FMO4: variants seen among roughly 807,000 people sequenced by gnomAD.
FMO4 encodes the protein dimethylaniline monooxygenase [N-oxide-forming] 4.
A neutral mutation model predicts 43.3 loss-of-function variants in FMO4; 38 were observed. The ratio of observed to expected loss-of-function variants is 0.88; its 90% CI spans 0.68 to 1.15. The LOEUF is 1.15. FMO4 is among the 50% of genes most tolerant of loss of function. The pLI is 0.00. For synonymous variants in FMO4, 224 were observed against 232.2 expected, an observed-to-expected ratio of 0.96 and a Z score of 0.32; for missense variants, 631 against 663.3, an observed-to-expected ratio of 0.95 and a Z score of 0.54.
chr1:171,341,251 CCTTT>C (rs1663358485), intron 9 of FMO4, among the ~76,000 whole-genome samples, 158 bp from the exon 10 acceptor site: 1 of 152,132 alleles, frequency 6.6e-6, no homozygotes, highest in Non-Finnish European at 1.5e-5. Flanking sequence ...TAGATAAACT[CCTTT>C]AATTTCTTTC....
At chr1:171,319,730 T>C in intron 2 of FMO4, 88 bp from the exon 3 acceptor site, 1 of 1,136,916 alleles carries the variant, frequency 8.8e-7, no homozygotes, top group East Asian at 2.4e-5. Context: ...AAAAGGCATA[T>C]ATAGCACTAC....
At chr1:171,318,904 GA>G (rs1460816835) in intron 2 of FMO4, among the ~76,000 whole-genome samples, 3 of 152,240 alleles carry the variant, frequency 2.0e-5, no homozygotes, top group Admixed American at 6.5e-5. Flanking sequence ...CCCCTTATGG[GA>G]AGGGGAGCAT....
At chr1:171,319,171 G>T (rs1022190148) in intron 2 of FMO4, among the ~76,000 whole-genome samples, 4 of 152,184 alleles carry the variant, frequency 2.6e-5, no homozygotes, top group Non-Finnish European at 5.9e-5. Context: ...TTATTGAGTG[G>T]TGGAGGTGGA....
At chr1:171,319,023 A>T (rs559062128) in intron 2 of FMO4, among the ~76,000 whole-genome samples, 3 of 152,340 alleles carry the variant, frequency 2.0e-5, no homozygotes, top group African/African-American at 7.2e-5. Flanking sequence ...TGCTATTTAC[A>T]GACAGCTAAG....
intron 2 of FMO4, among the ~76,000 whole-genome samples, chr1:171,318,421 C>T (rs944911710): frequency 6.6e-6 from 1 of 152,002 alleles, no homozygotes; most frequent in African/African-American, 2.4e-5. Context: ...GAGGCCAAGG[C>T]AGGAGGATCA....
rs1662548927 is a variant in FMO4, at chr1:171,324,014, A to G, written c.322-124A>G. The G allele has an allele frequency of 1.1e-5, 9 of 803,182 alleles. No homozygotes were observed. The East Asian group carries it at 1.6e-4, about 15-fold the overall frequency. 49.8% of individuals were successfully genotyped at this position (803,182 alleles called of 1,614,324 possible). A position where few individuals can be genotyped will look rare whatever the true frequency, so the allele number is the denominator to read the frequency against. ...ACTTCTCTAGGAAGATGATAAATCAATATTAATAGACCTCCTGTCATGGGA... is the reference window on the plus strand; with the variant it reads ...ACTTCTCTAGGAAGATGATAAATCAGTATTAATAGACCTCCTGTCATGGGA... On this transcript the variant is annotated intron_variant, in intron 4 of 9. Transcript: ENST00000367749.
Position 171,337,467 on chromosome 1 carries a change from T to G in FMO4, c.1250+42T>G, listed in dbSNP as rs764915867. On this transcript the variant is annotated intron_variant, in intron 9 of 9. Coordinates refer to ENST00000367749, the MANE Select transcript of FMO4 (RefSeq NM_002022.3). ...GCTCTAGGGCAAACTTACAGTATAT[T>G]CTGTTACAAAAAAAGGATTCAGAGT... 2.2e-6 allele frequency: 3 copies of G among 1,335,318 alleles called. No individual in the cohort carries two copies. The Admixed American group carries it at 5.2e-5, about 23-fold the overall frequency. The allele number at this position is 1,335,318 out of a possible 1,614,324, so 82.7% of individuals were successfully genotyped here.
chr1:171,331,864 A>C (rs1406480730), intron 6 of FMO4, 82 bp downstream of exon 6: 11 of 1,237,262 alleles, frequency 8.9e-6, no homozygotes, highest in African/African-American at 1.5e-5. Context: ...TATGAAGTAC[A>C]TTGGCCAATT....
chr1:171,332,834 T>G lies in FMO4; in HGVS notation c.753T>G (p.Phe251Leu). Residue 251 changes from phenylalanine to leucine, a missense_variant, in exon 7 of 10, where the codon TTT (phenylalanine) becomes TTG (leucine). Transcript: ENST00000367749. ...SFIAQVLPSR[F>L]LNWIQERKLN... is the part of the protein sequence containing the mutation. ...TTGCACAAGTTCTGCCTTCACGTTT[T>G]CTAAACTGGATTCAAGAAAGGAAGT... 6.2e-7 allele frequency: 1 copy of G among 1,612,448 alleles called. No homozygotes were observed. The highest frequency in any genetic ancestry group is 8.5e-7 in the Non-Finnish European group (1 of 1,178,542).
At chr1:171,337,186 G>A (rs942477793) in intron 8 of FMO4, among the ~76,000 whole-genome samples, 170 bp from the exon 9 acceptor site, 7 of 152,014 alleles carry the variant, frequency 4.6e-5, no homozygotes, top group Non-Finnish European at 8.8e-5. Flanking sequence ...GAACTGGGCG[G>A]GGAATTTTAC....
chr1:171,325,080 G>A (rs549261656), intron 5 of FMO4, among the ~76,000 whole-genome samples: 1 of 152,292 alleles, frequency 6.6e-6, no homozygotes, highest in South Asian at 2.1e-4. Flanking sequence ...CTGAACTTCA[G>A]CCGGGGCCAC....
At chr1:171,314,728 T>C (rs45479697) in intron 1 of FMO4, among the ~76,000 whole-genome samples, 2,051 of 152,226 alleles carry the variant, frequency 0.013, 53 homozygotes, top group African/African-American at 0.048. Flanking sequence ...ATGCCAGCCA[T>C]TGGGAAACAA....
In FMO4 at chr1:171,322,992, C is replaced by T; in HGVS notation, c.133-12C>T. 6.2e-7 allele frequency: 1 copy of T among 1,605,566 alleles called. No homozygotes were observed. Among genetic ancestry groups the T allele is most frequent in the Non-Finnish European group, 8.5e-7 (1 of 1,173,194 alleles). On this transcript the variant is annotated splice_polypyrimidine_tract_variant and intron_variant, in intron 3 of 9. Transcript: ENST00000367749. ...CCATTATCCCAACAAGCTAACTATG[C>T]CTTCACCACAGGAATCTTCCAAAGA...
chr1:171,317,532 G>T (rs768465526), intron 2 of FMO4, among the ~76,000 whole-genome samples: 1 of 152,128 alleles, frequency 6.6e-6, no homozygotes, highest in Non-Finnish European at 1.5e-5. Context: ...AATTAACTCA[G>T]CCCATTTGAT....
At position 171,341,940 on chromosome 1, in the gene FMO4, T is replaced by C. The variant is rs190047741; in HGVS notation, c.*101T>C. On this transcript the variant is annotated 3_prime_UTR_variant, in exon 10 of 10. Coordinates refer to ENST00000367749, the MANE Select transcript of FMO4 (RefSeq NM_002022.3). ...TCCATCATAACTGCTATTAGCCAAATTCAGGCCCAGTCATCTCCTATCTGA... is the reference window on the plus strand; with the variant it reads ...TCCATCATAACTGCTATTAGCCAAACTCAGGCCCAGTCATCTCCTATCTGA... 3.6e-4 allele frequency: 309 copies of C among 857,588 alleles called. 2 individuals carry two copies. In the African/African-American group the frequency reaches 4.8e-3, roughly 13 times the overall value. 53.1% of individuals were successfully genotyped at this position (857,588 alleles called of 1,614,324 possible). A position where few individuals can be genotyped will look rare whatever the true frequency, so the allele number is the denominator to read the frequency against.
intron 4 of FMO4, among the ~76,000 whole-genome samples, chr1:171,323,867 T>C (rs774870562): frequency 6.6e-6 from 1 of 152,228 alleles, no homozygotes; most frequent in Non-Finnish European, 1.5e-5. Context: ...ACATTGGGCA[T>C]TGTAACTCAT....
intron 2 of FMO4, among the ~76,000 whole-genome samples, 187 bp downstream of exon 2, chr1:171,316,514 T>G (rs190602078): frequency 5.5e-4 from 84 of 152,282 alleles, no homozygotes; most frequent in African/African-American, 1.8e-3. Context: ...AAACAATCCT[T>G]CAACATAGAT....
rs1435647686 is a variant in FMO4 at position 171,324,224 on chromosome 1, T to C, written c.408T>C (p.Asn136=). The change falls in exon 5 of 10, where the codon AAT becomes AAC. Residue 136 remains asparagine, a synonymous_variant. Coordinates refer to ENST00000367749, the MANE Select transcript of FMO4 (RefSeq NM_002022.3). The part of the protein sequence containing the change: ...DVVTETEGKQ[N]RAVFDAVMVC... ...TCACAGAGACAGAGGGCAAGCAAAA[T>C]AGAGCTGTCTTTGATGCTGTTATGG... The C allele has an allele frequency of 1.9e-6, 3 of 1,613,760 alleles. No homozygotes were observed. Among genetic ancestry groups the C allele is most frequent in the Non-Finnish European group, 1.7e-6 (2 of 1,179,802 alleles).
chr1:171,341,870 A>T lies in FMO4; in HGVS notation c.*31A>T. 2 of 1,545,112 alleles carry T rather than the reference A, an allele frequency of 1.3e-6. No individual in the cohort carries two copies. The highest frequency in any genetic ancestry group is 1.8e-6 in the Non-Finnish European group (2 of 1,136,166). On this transcript the variant is annotated 3_prime_UTR_variant, in exon 10 of 10. Coordinates refer to ENST00000367749, the MANE Select transcript of FMO4 (RefSeq NM_002022.3). ...ATTGTTACAAGGGTTACACAAAGTC[A>T]TGCTAATTCTATCTCCAAGTATCTT...
Sources: gnomAD v4.1 joint callset for allele counts (sites outside exome capture counted in the v4.1 genomes callset) on GRCh38, gnomAD v4.1.1 for gene constraint, MANE v1.5 for transcripts, NCBI Gene and HGNC (gene_info 2026-07-23, HGNC 2026-07-21) for gene names.